Variants in TAFA2 observed in about 807,000 individuals in gnomAD.
TAFA2 encodes TAFA chemokine like family member 2.
Under a neutral mutation model 18.8 loss-of-function variants are expected in TAFA2, and 7 were observed. The ratio of observed to expected loss-of-function variants is 0.37; its 90% CI spans 0.21 to 0.70. The LOEUF (loss-of-function observed/expected upper bound fraction) is 0.70, where lower values mean the gene tolerates loss of function less well. Among genes scored for constraint, TAFA2 ranks in the 30% least tolerant of loss-of-function variants. The probability of loss-of-function intolerance (pLI) is 0.53; values close to 1 mark genes in which losing one functional copy is unlikely to be tolerated. For synonymous variants in TAFA2, 60 were observed against 54.2 expected, an observed-to-expected ratio of 1.11 and a Z score of -0.47; for missense variants, 122 against 158.1, an observed-to-expected ratio of 0.77 and a Z score of 1.23.
At chr12:61,983,717 G>A (rs1252400967) in intron 1 of TAFA2, among the ~76,000 whole-genome samples, 1 of 152,094 alleles carries the variant, frequency 6.6e-6, no homozygotes, top group Non-Finnish European at 1.5e-5. Context: ...CAGAACCCCA[G>A]CACTTTAAGA....
At chr12:61,879,721 G>A in intron 1 of TAFA2, 2 of 1,154,614 alleles carry the variant, frequency 1.7e-6, no homozygotes, top group South Asian at 2.4e-5. Flanking sequence ...AGATGGCTCA[G>A]AGCAACATGG....
chr12:62,044,129 T>C (rs1406099941), intron 1 of TAFA2, among the ~76,000 whole-genome samples: 2 of 152,020 alleles, frequency 1.3e-5, no homozygotes, highest in Non-Finnish European at 2.9e-5. Context: ...TAAGGTATTA[T>C]TGGGCAGTGG....
chr12:62,221,233 G>GGAAGGAAGGAAA (rs2062760902), intron 1 of TAFA2, among the ~76,000 whole-genome samples: 16 of 145,422 alleles, frequency 1.1e-4, no homozygotes, highest in Admixed American at 1.1e-3. Context: ...AAGGAAGGAA[G>GGAAGGAAGGAAA]GAAGGAAGGA....
chr12:61,823,956 TGTGA>T (rs1262516651), intron 2 of TAFA2, among the ~76,000 whole-genome samples: 2 of 152,038 alleles, frequency 1.3e-5, no homozygotes, highest in East Asian at 3.9e-4. Context: ...TCTTTTTGAG[TGTGA>T]GTGTGAGACC....
chr12:62,110,612 CTT>C (rs68008958), intron 1 of TAFA2, among the ~76,000 whole-genome samples: 84 of 104,772 alleles, frequency 8.0e-4, no homozygotes, highest in Admixed American at 1.7e-3. Flanking sequence ...TGGTCCTGGG[CTT>C]TTTTTTTTTT....
At chr12:62,196,708 C>T (rs1170462969), upstream of TAFA2, among the ~76,000 whole-genome samples, 3 of 151,822 alleles carry the variant, frequency 2.0e-5, no homozygotes, top group African/African-American at 7.3e-5. Context: ...GATCACAGAC[C>T]GCCATAACAG....
At chr12:62,211,444 G>T (rs1006298119) in intron 1 of TAFA2, among the ~76,000 whole-genome samples, 1 of 152,014 alleles carries the variant, frequency 6.6e-6, no homozygotes, top group Non-Finnish European at 1.5e-5. Context: ...GCTGGGCGTG[G>T]TGGTGCCCGC....
intron 1 of TAFA2, chr12:62,140,000 T>G (rs1246264344): frequency 6.6e-6 from 1 of 152,192 alleles, no homozygotes; most frequent in Non-Finnish European, 1.5e-5. Flanking sequence ...TGCCATTTAT[T>G]ATTGTTTTTT....
In TAFA2 at chr12:61,725,553, C is replaced by A. The variant is rs146960975; in HGVS notation, c.385-15136G>T. On this transcript the variant is annotated intron_variant, in intron 4 of 4. Coordinates refer to ENST00000416284, the MANE Select transcript of TAFA2 (RefSeq NM_178539.5). Reference sequence around the variant, plus strand: ...TGTTGAATAGGGTGTCCTTTCCCCACTTTATGCTTTTGTTTGCTTTGTCAA... The same window carrying A: ...TGTTGAATAGGGTGTCCTTTCCCCAATTTATGCTTTTGTTTGCTTTGTCAA... Among the ~76,000 whole-genome samples, 10 of 150,292 alleles carry A rather than the reference C, an allele frequency of 6.7e-5. No individual in the cohort carries two copies. In the East Asian group the frequency reaches 1.7e-3, roughly 26 times the overall value.
chr12:61,968,570 CT>C (rs1879143331), intron 1 of TAFA2, among the ~76,000 whole-genome samples: 1 of 151,750 alleles, frequency 6.6e-6, no homozygotes, highest in Admixed American at 6.6e-5. Context: ...ACATTCAGGT[CT>C]GCTTTGCTTG....
intron 4 of TAFA2, among the ~76,000 whole-genome samples, chr12:61,717,492 C>T (rs1390802848): frequency 6.6e-6 from 1 of 152,170 alleles, no homozygotes; most frequent in Non-Finnish European, 1.5e-5. Context: ...CAAAGAACTG[C>T]TTTTGCTAGA....
At chr12:61,884,416 T>G (rs1242497047) in intron 1 of TAFA2, among the ~76,000 whole-genome samples, 1 of 152,186 alleles carries the variant, frequency 6.6e-6, no homozygotes. Flanking sequence ...TATTTGACAG[T>G]AGCTCATATG....
intron 1 of TAFA2, among the ~76,000 whole-genome samples, chr12:62,241,541 T>C: frequency 6.6e-6 from 1 of 152,236 alleles, no homozygotes; most frequent in East Asian, 1.9e-4. Context: ...TTTTAGCCAG[T>C]AAATAATACT....
chr12:61,737,038 AGT>A lies in TAFA2; in HGVS notation c.384+16582_384+16583del, dbSNP rs1420792097. ...AAGACTGACTATAATATTGTCAGTT[AGT>A]ATTGTAGTCCAGGGTCCTGAACTCT... is the stretch of plus-strand genomic sequence containing the variant. On this transcript the variant is annotated intron_variant, in intron 4 of 4. Coordinates refer to ENST00000416284, the MANE Select transcript of TAFA2 (RefSeq NM_178539.5). 1.4e-4 allele frequency among the ~76,000 whole-genome samples: 22 copies of A among 152,042 alleles called. 1 individual carries two copies. The highest frequency in any genetic ancestry group is 5.1e-4 in the African/African-American group (21 of 41,526).
intron 1 of TAFA2, among the ~76,000 whole-genome samples, chr12:62,060,776 T>C (rs1007579505): frequency 3.3e-5 from 5 of 152,204 alleles, no homozygotes; most frequent in Non-Finnish European, 7.3e-5. Flanking sequence ...CTAGGCCTAA[T>C]GTGTATGTTT....
chr12:61,753,867 G>C (rs1464358261), intron 3 of TAFA2, 121 bp from the exon 4 acceptor site: 1 of 685,182 alleles, frequency 1.5e-6, no homozygotes, highest in Admixed American at 3.0e-5. Context: ...AGGTATTTGA[G>C]GTATGCCTTT....
intron 1 of TAFA2, among the ~76,000 whole-genome samples, chr12:62,004,328 C>T (rs926932433): frequency 8.6e-5 from 13 of 151,952 alleles, no homozygotes; most frequent in Admixed American, 6.6e-5. Flanking sequence ...TTTCTTTGTC[C>T]CTGTTACAAG....
chr12:61,852,103 A>G (rs1379710284), intron 2 of TAFA2, among the ~76,000 whole-genome samples: 1 of 151,408 alleles, frequency 6.6e-6, no homozygotes, highest in Non-Finnish European at 1.5e-5. Context: ...GCTACTCAAG[A>G]GGCTGAGGCA....
At chr12:61,984,857 A>T (rs1180582530) in intron 1 of TAFA2, among the ~76,000 whole-genome samples, 1 of 152,164 alleles carries the variant, frequency 6.6e-6, no homozygotes, top group Non-Finnish European at 1.5e-5. Context: ...GTCATGTTAG[A>T]ATTGTGATAG....
Sources: allele counts gnomAD v4.1 joint callset (sites outside exome capture counted in the v4.1 genomes callset), GRCh38; gene constraint gnomAD v4.1.1; transcripts MANE v1.5; gene names NCBI Gene and HGNC (gene_info 2026-07-23, HGNC 2026-07-21).